The following MEF2C variants were observed in gnomAD, a reference collection of about 807,000 sequenced individuals.
The protein encoded by MEF2C is myocyte enhancer factor 2C.
Under a neutral mutation model 50.5 loss-of-function variants are expected in MEF2C, and 6 were observed. The ratio of observed to expected loss-of-function variants is 0.12; its 90% CI spans 0.07 to 0.23. The LOEUF (loss-of-function observed/expected upper bound fraction) is 0.23, where lower values mean the gene tolerates loss of function less well. Ranked by LOEUF, MEF2C falls within the 10% of genes least tolerant of loss-of-function variation. The pLI, the probability that MEF2C is intolerant of heterozygous loss-of-function variation, is 1.00. For synonymous variants in MEF2C, 183 were observed against 228.0 expected (o/e 0.80, Z 1.78); for missense variants, 276 against 605.0 (o/e 0.46, Z 5.70).
chr5:88,855,149 T>C (rs1200337429), intron 1 of MEF2C, among the ~76,000 whole-genome samples: 1 of 152,208 alleles, frequency 6.6e-6, no homozygotes, highest in African/African-American at 2.4e-5. Context: ...TTCCTCAGCT[T>C]TATAGTTCAT....
chr5:88,834,350 G>GTA (rs1292035984), intron 1 of MEF2C, among the ~76,000 whole-genome samples: 1 of 152,064 alleles, frequency 6.6e-6, no homozygotes, highest in Non-Finnish European at 1.5e-5. Flanking sequence ...CTGTAATGGG[G>GTA]TATACCATGA....
At chr5:88,884,117 C>G (rs1284133987), upstream of MEF2C, among the ~76,000 whole-genome samples, 2 of 152,200 alleles carry the variant, frequency 1.3e-5, no homozygotes, top group East Asian at 3.9e-4. Context: ...GGAGGACGCT[C>G]GGAGAGAACC....
rs1390261667 is a variant in MEF2C at position 88,751,956 on chromosome 5, G to A, written c.490C>T (p.Leu164=). 1.2e-6 allele frequency: 2 copies of A among 1,614,036 alleles called. No individual in the cohort carries two copies. Among genetic ancestry groups the A allele is most frequent in the South Asian group, 2.2e-5 (2 of 91,088 alleles). ...AGTGGCAATAGGTTGGGGTTTCCCA[G>A]TGAGCTGACAGGGTTGCTGTACACC... ...SLVYSNPVSS[L]GNPNLLPLAH... The change falls in exon 5 of 11, where the codon CTG becomes TTG. Residue 164 remains leucine, a synonymous_variant. Coordinates refer to ENST00000504921, the MANE Select transcript of MEF2C (RefSeq NM_002397.5).
intron 3 of MEF2C, among the ~76,000 whole-genome samples, chr5:88,780,044 G>A (rs763382572): frequency 3.3e-5 from 5 of 151,896 alleles, no homozygotes; most frequent in Non-Finnish European, 5.9e-5. Context: ...CTACTTGGGA[G>A]GCTGAGGCAG....
chr5:88,782,460 A>G (rs1031452459), intron 3 of MEF2C, among the ~76,000 whole-genome samples: 4 of 75,448 alleles, frequency 5.3e-5, no homozygotes, highest in Non-Finnish European at 9.4e-5. Context: ...GCATGAAATC[A>G]TCTCAAAAAA....
intron 3 of MEF2C, among the ~76,000 whole-genome samples, chr5:88,797,498 G>T (rs1186770843): frequency 5.4e-5 from 4 of 73,956 alleles, no homozygotes; most frequent in South Asian, 4.8e-4. Flanking sequence ...CCATTTGCTT[G>T]GTAAATATTC....
At chr5:88,772,265 C>T (rs1394008535) in intron 3 of MEF2C, 1 of 152,188 alleles carries the variant, frequency 6.6e-6, no homozygotes, top group Non-Finnish European at 1.5e-5. Flanking sequence ...TTTAATCATA[C>T]CTGAGAACTT....
chr5:88,784,712 T>G (rs986019352), intron 3 of MEF2C, among the ~76,000 whole-genome samples: 1 of 152,202 alleles, frequency 6.6e-6, no homozygotes, highest in East Asian at 1.9e-4. Context: ...ATGGTACAAA[T>G]GACTCAACAA....
At chr5:88,863,002 C>T (rs1278684600) in intron 1 of MEF2C, among the ~76,000 whole-genome samples, 8 of 152,234 alleles carry the variant, frequency 5.3e-5, no homozygotes, top group East Asian at 1.9e-4. Flanking sequence ...GCAGGCCATA[C>T]GAAAAACATA....
chr5:88,890,473 A>G (rs1019672665), intron 1 of MEF2C, among the ~76,000 whole-genome samples: 1 of 152,218 alleles, frequency 6.6e-6, no homozygotes, highest in Non-Finnish European at 1.5e-5. Flanking sequence ...AGCTATTTAA[A>G]TTAATTAAAA....
chr5:88,733,780 C>CA (rs991199874), intron 6 of MEF2C: 8 of 984,762 alleles, frequency 8.1e-6, no homozygotes, highest in African/African-American at 1.8e-5. Context: ...GTTCCTGGGG[C>CA]AAAAAAACAA....
intron 1 of MEF2C, among the ~76,000 whole-genome samples, chr5:88,861,234 G>T (rs1247813522): frequency 2.0e-5 from 3 of 152,198 alleles, no homozygotes; most frequent in Non-Finnish European, 4.4e-5. Flanking sequence ...TCTTAATGCT[G>T]ACTATACATT....
At chr5:88,869,273 A>G (rs919889542) in intron 1 of MEF2C, among the ~76,000 whole-genome samples, 9 of 50,360 alleles carry the variant, frequency 1.8e-4, no homozygotes, top group Admixed American at 7.3e-4. Flanking sequence ...ATATATATAT[A>G]TATACATATA....
At chr5:88,892,432 C>A (rs1039326932) in intron 1 of MEF2C, among the ~76,000 whole-genome samples, 2 of 152,194 alleles carry the variant, frequency 1.3e-5, no homozygotes, top group Non-Finnish European at 2.9e-5. Context: ...TGACAAACTG[C>A]GGTAAAAATT....
At chr5:88,825,453 C>T in intron 1 of MEF2C, 1 of 972,002 alleles carries the variant, frequency 1.0e-6, no homozygotes, top group South Asian at 4.8e-5. Flanking sequence ...TATGACCACA[C>T]AGTGCTCATC....
chr5:88,748,132 T>C, intron 6 of MEF2C: 1 of 982,592 alleles, frequency 1.0e-6, no homozygotes, highest in Non-Finnish European at 1.2e-6. Context: ...CTCAAATAGA[T>C]ATATTTATAA....
intron 1 of MEF2C, among the ~76,000 whole-genome samples, chr5:88,878,565 C>A (rs2150040545): frequency 6.6e-6 from 1 of 152,090 alleles, no homozygotes; most frequent in East Asian, 1.9e-4. Flanking sequence ...TCTAACACGA[C>A]TTCCCTTTAT....
intron 1 of MEF2C, chr5:88,889,166 C>A (rs1834267129): frequency 6.6e-6 from 1 of 152,132 alleles, no homozygotes; most frequent in Admixed American, 6.5e-5. Context: ...AAGACCCAGA[C>A]GAGGGACGCC....
At chr5:88,733,670 A>G in intron 6 of MEF2C, 2 of 985,340 alleles carry the variant, frequency 2.0e-6, no homozygotes, top group Non-Finnish European at 2.4e-6. Flanking sequence ...TATCCCATTC[A>G]TTTACCTGTC....
Sources: allele counts gnomAD v4.1 joint callset (sites outside exome capture counted in the v4.1 genomes callset), GRCh38; gene constraint gnomAD v4.1.1; transcripts MANE v1.5; gene names NCBI Gene and HGNC (gene_info 2026-07-23, HGNC 2026-07-21).